Variants in ZC2HC1A observed in about 807,000 individuals in gnomAD.
ZC2HC1A encodes zinc finger C2HC domain-containing protein 1A.
In ZC2HC1A, 28 loss-of-function variants were observed where a neutral mutation model predicts 40.7. The observed-to-expected ratio is 0.69, with a 90% CI of 0.51 to 0.94. The LOEUF is 0.94. Among genes scored for constraint, ZC2HC1A ranks in the 40% least tolerant of loss-of-function variants. ZC2HC1A has a pLI of 0.00. For missense variants in ZC2HC1A, 389 were observed against 386.3 expected (o/e 1.01, Z -0.06); for synonymous variants, 129 against 129.2 (o/e 1.00, Z 0.01).
intron 2 of ZC2HC1A, 37 bp from the exon 3 acceptor site, chr8:78,678,526 A>C: frequency 6.5e-7 from 1 of 1,540,118 alleles, no homozygotes; most frequent in Non-Finnish European, 8.8e-7. Flanking sequence ...CTTCTGTAGA[A>C]AAGAAAATGA....
Position 78,718,962 on chromosome 8 carries a change from G to C in ZC2HC1A, c.*1469G>C, listed in dbSNP as rs1035621855. 8 of 151,480 alleles carry C rather than the reference G, an allele frequency of 5.3e-5. No individual in the cohort carries two copies. The highest frequency in any genetic ancestry group is 1.2e-4 in the Non-Finnish European group (8 of 67,646). 9.4% of individuals were successfully genotyped at this position (151,480 alleles called of 1,614,324 possible). ...ATCTGAAATTTATTAGCTTAGTTTAGTTTGGGCAGGAGTTACAAACTTAAT... is the reference window on the plus strand; with the variant it reads ...ATCTGAAATTTATTAGCTTAGTTTACTTTGGGCAGGAGTTACAAACTTAAT... On this transcript the variant is annotated 3_prime_UTR_variant, in exon 9 of 9. Transcript: ENST00000263849.
intron 3 of ZC2HC1A, among the ~76,000 whole-genome samples, chr8:78,681,289 C>T (rs758721168): frequency 4.6e-5 from 7 of 151,220 alleles, no homozygotes; most frequent in South Asian, 2.1e-4. Context: ...ATAATAGAAG[C>T]GATGAATAAT....
At chr8:78,705,781 G>A (rs574072829) in intron 7 of ZC2HC1A, among the ~76,000 whole-genome samples, 110 of 152,322 alleles carry the variant, frequency 7.2e-4, no homozygotes, top group African/African-American at 2.6e-3. Flanking sequence ...CTGCAGGGCT[G>A]GCTGGAGGTC....
In ZC2HC1A at chr8:78,691,886, T is replaced by G. The variant is rs939271961; in HGVS notation, c.504+2513T>G. 2.0e-5 allele frequency among the ~76,000 whole-genome samples: 3 copies of G among 152,126 alleles called. No homozygotes were observed. In the East Asian group the frequency reaches 5.8e-4, roughly 29 times the overall value. On this transcript the variant is annotated intron_variant, in intron 5 of 8. Coordinates refer to ENST00000263849, the MANE Select transcript of ZC2HC1A (RefSeq NM_016010.3). ...TGTATTGTTATACTTACTGCCTTATTTATATATTTATTGAAATTGTAAACG... is the reference window on the plus strand; with the variant it reads ...TGTATTGTTATACTTACTGCCTTATGTATATATTTATTGAAATTGTAAACG...
rs946923379 is a variant in ZC2HC1A at position 78,715,226 on chromosome 8, A to G, written c.710A>G (p.Asn237Ser). 6.2e-6 allele frequency: 10 copies of G among 1,613,436 alleles called. No homozygotes were observed. The highest frequency in any genetic ancestry group is 6.8e-6 in the Non-Finnish European group (8 of 1,179,758). ...KGIAAPHAGA[N>S]VKPRNSTPPS... ...ATTTTTCCTCTTTTTTATAGAGCTA[A>G]TGTCAAACCCCGAAATTCCACACCA... is the stretch of plus-strand genomic sequence containing the variant. The change falls in exon 8 of 9, where the codon AAT (asparagine) becomes AGT (serine). Residue 237 changes from asparagine (N) to serine (S), a missense_variant. By Grantham distance (46) the Asn-to-Ser change is conservative (BLOSUM62 1). Transcript: ENST00000263849.
At chr8:78,689,753 T>G (rs1810148339) in intron 5 of ZC2HC1A, among the ~76,000 whole-genome samples, 1 of 152,168 alleles carries the variant, frequency 6.6e-6, no homozygotes, top group Non-Finnish European at 1.5e-5. Flanking sequence ...TCTCCCATCC[T>G]GTGACTTGGC....
chr8:78,699,903 T>A lies in ZC2HC1A; in HGVS notation c.704+1390T>A, dbSNP rs902118178. Among the ~76,000 whole-genome samples, 17 of 152,300 alleles carry A rather than the reference T, an allele frequency of 1.1e-4. No individual in the cohort carries two copies. In the Middle Eastern group the frequency reaches 0.01, roughly 91 times the overall value. On this transcript the variant is annotated intron_variant, in intron 7 of 8. Coordinates refer to ENST00000263849, the MANE Select transcript of ZC2HC1A (RefSeq NM_016010.3). ...ATTTAGGTTGATTCCATGTCTTCAG[T>A]ATTATGAATAGTGCTGCAGTGAACA...
At chr8:78,698,014 G>T (rs1412480409) in intron 6 of ZC2HC1A, among the ~76,000 whole-genome samples, 2 of 151,924 alleles carry the variant, frequency 1.3e-5, no homozygotes, top group African/African-American at 4.8e-5. Flanking sequence ...TTAAATGTTG[G>T]CCCCAGATGT....
rs117162252 is a variant in ZC2HC1A, at chr8:78,671,850, T to C, written c.17-3937T>C. On this transcript the variant is annotated intron_variant, in intron 1 of 8. Coordinates refer to ENST00000263849, the MANE Select transcript of ZC2HC1A (RefSeq NM_016010.3). ...TGCAGTTGGTTTAATCATTCTTATA[T>C]ATAAACTTTATTTAAAAAGTCAGTA... Among the ~76,000 whole-genome samples, 260 of 152,294 alleles carry C rather than the reference T, an allele frequency of 1.7e-3. 9 individuals carry two copies. In the East Asian group the frequency reaches 0.049, roughly 29 times the overall value.
intron 3 of ZC2HC1A, among the ~76,000 whole-genome samples, chr8:78,684,719 C>T (rs1039335119): frequency 1.3e-5 from 2 of 152,066 alleles, no homozygotes; most frequent in Admixed American, 6.6e-5. Context: ...AGCAAACAGG[C>T]TCTTGAGACA....
intron 7 of ZC2HC1A, among the ~76,000 whole-genome samples, chr8:78,713,479 G>A (rs1811009732): frequency 6.6e-6 from 1 of 151,362 alleles, no homozygotes; most frequent in Non-Finnish European, 1.5e-5. Flanking sequence ...AAAAAAAAGT[G>A]TTCTTCCTAT....
In ZC2HC1A at chr8:78,717,939, T is replaced by G. The variant is rs1302460175; in HGVS notation, c.*446T>G. On this transcript the variant is annotated 3_prime_UTR_variant, in exon 9 of 9. Transcript: ENST00000263849. Reference sequence around the variant, plus strand: ...TCAGATAGTATCATAGTAGGATAGATGCTGGGAATTTTGTAATTAAAGAGA... The same window carrying G: ...TCAGATAGTATCATAGTAGGATAGAGGCTGGGAATTTTGTAATTAAAGAGA... 1 of 152,936 alleles carries G rather than the reference T, an allele frequency of 6.5e-6. No individual in the cohort carries two copies. The highest frequency in any genetic ancestry group is 2.4e-5 in the African/African-American group (1 of 41,450). 9.5% of individuals were successfully genotyped at this position (152,936 alleles called of 1,614,324 possible).
At chr8:78,696,032 A>G (rs1345606489) in intron 5 of ZC2HC1A, among the ~76,000 whole-genome samples, 1 of 151,800 alleles carries the variant, frequency 6.6e-6, no homozygotes, top group Non-Finnish European at 1.5e-5. Context: ...ATTTAAAACC[A>G]ATTTTTCTTT....
chr8:78,713,984 A>G (rs62518987), intron 7 of ZC2HC1A, among the ~76,000 whole-genome samples: 7,788 of 152,238 alleles, frequency 0.051, 280 homozygotes, highest in Middle Eastern at 0.082. Flanking sequence ...GGAAGCAGCT[A>G]TTTACAATTT....
chr8:78,685,106 G>A (rs1809923359), intron 3 of ZC2HC1A, among the ~76,000 whole-genome samples: 1 of 152,004 alleles, frequency 6.6e-6, no homozygotes, highest in Non-Finnish European at 1.5e-5. Context: ...TACTAACAAA[G>A]GATAGTCAGA....
chr8:78,702,729 T>G (rs2130567785), intron 7 of ZC2HC1A, among the ~76,000 whole-genome samples: 1 of 152,282 alleles, frequency 6.6e-6, no homozygotes, highest in Non-Finnish European at 1.5e-5. Flanking sequence ...CAAAAATCAT[T>G]CAGGAGAAGG....
At chr8:78,696,638 A>G (rs1810424879) in intron 5 of ZC2HC1A, among the ~76,000 whole-genome samples, 1 of 152,202 alleles carries the variant, frequency 6.6e-6, no homozygotes, top group Admixed American at 6.5e-5. Flanking sequence ...TAAAAATCCA[A>G]GATAAGCTGA....
rs143922654 is a variant in ZC2HC1A, at chr8:78,678,605, C to T, written c.136C>T (p.Arg46Trp). The T allele has an allele frequency of 2.4e-5, 38 of 1,612,062 alleles. No homozygotes were observed. Among genetic ancestry groups the T allele is most frequent in the African/African-American group, 4.0e-5 (3 of 74,824 alleles). The change falls in exon 3 of 9, where the codon CGG (arginine) becomes TGG (tryptophan). Residue 46 changes from arginine to tryptophan, a missense_variant. Arg to Trp is a moderately radical substitution (Grantham distance 101). Transcript: ENST00000263849. ...TTGCCAGAAGACTGCAACTAAAAAA[C>T]GGAAGACTTTTGATTCAAGCAGACA... is the stretch of plus-strand genomic sequence containing the variant. ...PICQKTATKK[R>W]KTFDSSRQRA...
intron 7 of ZC2HC1A, among the ~76,000 whole-genome samples, chr8:78,713,082 C>T (rs1166272044): frequency 2.6e-5 from 4 of 152,100 alleles, no homozygotes; most frequent in Non-Finnish European, 5.9e-5. Context: ...CTCACAGTAA[C>T]AGTGACTAGC....
Sources: allele counts gnomAD v4.1 joint callset (sites outside exome capture counted in the v4.1 genomes callset), GRCh38; gene constraint gnomAD v4.1.1; transcripts MANE v1.5; gene names NCBI Gene and HGNC (gene_info 2026-07-23, HGNC 2026-07-21).